RNMT: variants seen among roughly 807,000 people sequenced by gnomAD.
The protein encoded by RNMT is RNA guanine-7 methyltransferase.
RNMT carries 27 observed loss-of-function variants against 56.0 expected under a neutral mutation model. That is an observed-to-expected ratio of 0.48 (90% confidence interval 0.36 to 0.67). The LOEUF (loss-of-function observed/expected upper bound fraction) is 0.67. RNMT is among the 30% of genes least tolerant of loss of function. The pLI is 0.00. For synonymous variants in RNMT, 184 were observed against 176.2 expected (o/e 1.04, Z -0.35); for missense variants, 519 against 552.1 (o/e 0.94, Z 0.60).
intron 11 of RNMT, among the ~76,000 whole-genome samples, chr18:13,757,467 G>T (rs1315435707): frequency 6.6e-6 from 1 of 152,136 alleles, no homozygotes; most frequent in African/African-American, 2.4e-5. Flanking sequence ...CGAAATCCTT[G>T]TCATTTCAAC....
At chr18:13,732,628 A>T (rs1261220424) in intron 3 of RNMT, among the ~76,000 whole-genome samples, 1 of 152,080 alleles carries the variant, frequency 6.6e-6, no homozygotes, top group Non-Finnish European at 1.5e-5. Flanking sequence ...AGAGGAAAAG[A>T]TTACTTTAAT....
At chr18:13,727,591 T>G (rs891130035) in intron 1 of RNMT, among the ~76,000 whole-genome samples, 6 of 152,282 alleles carry the variant, frequency 3.9e-5, no homozygotes, top group Non-Finnish European at 7.3e-5. Flanking sequence ...ACATTTATCT[T>G]TATGTTGGGA....
intron 8 of RNMT, among the ~76,000 whole-genome samples, chr18:13,745,257 A>G (rs538019592): frequency 7.2e-5 from 11 of 152,328 alleles, no homozygotes; most frequent in African/African-American, 1.9e-4. Flanking sequence ...TCAGGTCCGC[A>G]TTTCTGAAAG....
In RNMT at chr18:13,763,143, A is replaced by C; in HGVS notation, c.*3164A>C. 2.2e-6 allele frequency: 1 copy of C among 456,028 alleles called. No homozygotes were observed. The highest frequency in any genetic ancestry group is 2.3e-5 in the Admixed American group (1 of 42,574). The allele number at this position is 456,028 out of a possible 1,614,324, so 28.2% of individuals were successfully genotyped here. The stretch of plus-strand genomic sequence containing the variant: ...GTCAAATAGGAAGTACAAGTGTGTG[A>C]TGTTAGAACCTCCCTAGTTGCTGCT... On this transcript the variant is annotated 3_prime_UTR_variant, in exon 12 of 12. Transcript: ENST00000383314.
intron 3 of RNMT, among the ~76,000 whole-genome samples, chr18:13,732,762 T>TTGG (rs142277511): frequency 1.9e-4 from 19 of 98,690 alleles, no homozygotes; most frequent in East Asian, 6.6e-4. Flanking sequence ...TTTTTTTTTT[T>TTGG]GGAGACAGAG....
chr18:13,732,343 G>T (rs1457565538), intron 3 of RNMT, among the ~76,000 whole-genome samples: 1 of 152,044 alleles, frequency 6.6e-6, no homozygotes, highest in Non-Finnish European at 1.5e-5. Context: ...AGATCCAAAT[G>T]ATTTACCTAT....
At chr18:13,734,443 T>C in intron 3 of RNMT, 21 bp from the exon 4 acceptor site, 1 of 1,588,516 alleles carries the variant, frequency 6.3e-7, no homozygotes, top group Non-Finnish European at 8.5e-7. Flanking sequence ...TTGATTTTTT[T>C]CTATTCTCTT....
At chr18:13,735,869 A>G (rs2044150506) in intron 4 of RNMT, among the ~76,000 whole-genome samples, 2 of 152,124 alleles carry the variant, frequency 1.3e-5, no homozygotes. Context: ...TGTGTTTAAC[A>G]TCCTAATACA....
chr18:13,743,277 C>T (rs925374891), intron 8 of RNMT, among the ~76,000 whole-genome samples: 4 of 147,852 alleles, frequency 2.7e-5, no homozygotes, highest in East Asian at 4.0e-4. Context: ...GAGTCGAGAT[C>T]GCGCCACTGC....
intron 5 of RNMT, among the ~76,000 whole-genome samples, chr18:13,739,372 C>A (rs2044215713): frequency 6.6e-6 from 1 of 152,186 alleles, no homozygotes; most frequent in Non-Finnish European, 1.5e-5. Context: ...TCTCCCCCTG[C>A]ATATTGTATA....
intron 11 of RNMT, among the ~76,000 whole-genome samples, chr18:13,755,553 A>C (rs2044528788): frequency 6.6e-6 from 1 of 152,246 alleles, no homozygotes; most frequent in African/African-American, 2.4e-5. Context: ...TGGCAAAAGG[A>C]AAATCTAGTA....
intron 1 of RNMT, among the ~76,000 whole-genome samples, chr18:13,728,330 TTGTGTGTGTGTGTG>T (rs1212860122): frequency 0.017 from 359 of 21,440 alleles, 114 homozygotes; most frequent in East Asian, 0.039. Flanking sequence ...TTTTTTTTTT[TTGTGTGTGTGTGTG>T]TGTGTGTGTG....
intron 10 of RNMT, 112 bp downstream of exon 10, chr18:13,752,539 C>A (rs1207176506): frequency 3.0e-6 from 2 of 659,728 alleles, no homozygotes; most frequent in South Asian, 2.0e-5. Flanking sequence ...CACTGACTTA[C>A]AAATCAGTTG....
At chr18:13,737,963 C>G (rs1445095757) in intron 5 of RNMT, among the ~76,000 whole-genome samples, 3 of 144,170 alleles carry the variant, frequency 2.1e-5, no homozygotes, top group Non-Finnish European at 4.5e-5. Context: ...TTTTTTTTTG[C>G]TACGGAAGCC....
intron 6 of RNMT, among the ~76,000 whole-genome samples, chr18:13,740,647 C>T (rs1442866017): frequency 1.3e-5 from 2 of 152,216 alleles, no homozygotes; most frequent in African/African-American, 4.8e-5. Context: ...GCTGGGATTA[C>T]AGGCATGAGC....
rs2044640732 is a variant in RNMT at position 13,763,224 on chromosome 18, A to G, written c.*3245A>G. On this transcript the variant is annotated 3_prime_UTR_variant, in exon 12 of 12. Transcript: ENST00000383314. Reference sequence around the variant, plus strand: ...TTCATTCCCCGCCCTCTGACAGAACAACATTCCTAATTCTTTGAAGGCAAC... The same window carrying G: ...TTCATTCCCCGCCCTCTGACAGAACGACATTCCTAATTCTTTGAAGGCAAC... 2 of 443,226 alleles carry G rather than the reference A, an allele frequency of 4.5e-6. No homozygotes were observed. Among genetic ancestry groups the G allele is most frequent in the Non-Finnish European group, 9.1e-6 (2 of 219,816 alleles). The allele number at this position is 443,226 out of a possible 1,614,324, so 27.5% of individuals were successfully genotyped here. A position where few individuals can be genotyped will look rare whatever the true frequency, so the allele number is the denominator to read the frequency against.
In RNMT at chr18:13,744,994, G is replaced by A. The variant is rs536225963; in HGVS notation, c.1140-1226G>A. On this transcript the variant is annotated intron_variant, in intron 8 of 11. Coordinates refer to ENST00000383314, the MANE Select transcript of RNMT (RefSeq NM_003799.3). Reference sequence around the variant, plus strand: ...TCGATGTTTGAGTCAGGATCTAAAGGATGGAAAAGTAGGTGGGCAGCTGAG... The same window carrying A: ...TCGATGTTTGAGTCAGGATCTAAAGAATGGAAAAGTAGGTGGGCAGCTGAG... Among the ~76,000 whole-genome samples, 26 of 152,322 alleles carry A rather than the reference G, an allele frequency of 1.7e-4. No individual in the cohort carries two copies. In the Middle Eastern group the frequency reaches 0.017, roughly 100 times the overall value.
At chr18:13,752,919 G>A (rs930896849) in intron 10 of RNMT, among the ~76,000 whole-genome samples, 40 of 151,990 alleles carry the variant, frequency 2.6e-4, no homozygotes, top group African/African-American at 9.4e-4. Context: ...TTAGAATATT[G>A]TTTTCATTTA....
At chr18:13,729,046 C>A in intron 1 of RNMT, among the ~76,000 whole-genome samples, 1 of 152,166 alleles carries the variant, frequency 6.6e-6, no homozygotes, top group East Asian at 1.9e-4. Flanking sequence ...AAAATCTTTG[C>A]CCAGACCAGT....
Sources: allele counts gnomAD v4.1 joint callset (sites outside exome capture counted in the v4.1 genomes callset), GRCh38; gene constraint gnomAD v4.1.1; transcripts MANE v1.5; gene names NCBI Gene and HGNC (gene_info 2026-07-23, HGNC 2026-07-21).